LAMA2: variants seen among roughly 807,000 people sequenced by gnomAD.
LAMA2 encodes laminin subunit alpha 2, also known as laminin subunit alpha-2.
In LAMA2, 269 loss-of-function variants were observed where a neutral mutation model predicts 364.8. The ratio of observed to expected loss-of-function variants is 0.74; its 90% confidence interval spans 0.67 to 0.82. The LOEUF (loss-of-function observed/expected upper bound fraction) is 0.82, where lower values mean the gene tolerates loss of function less well. Among genes scored for constraint, LAMA2 ranks in the 40% least tolerant of loss-of-function variants. LAMA2 has a pLI of 0.00. For missense variants in LAMA2, 3,807 were observed against 3,873.2 expected (o/e 0.98, Z 0.45); for synonymous variants, 1,379 against 1,370.6 (o/e 1.01, Z -0.14).
chr6:129,326,394 G>A (rs1273375444), intron 28 of LAMA2, among the ~76,000 whole-genome samples: 1 of 152,104 alleles, frequency 6.6e-6, no homozygotes, highest in African/African-American at 2.4e-5. Flanking sequence ...TGTGTTGTGC[G>A]TTAGAGTAGA....
intron 12 of LAMA2, among the ~76,000 whole-genome samples, chr6:129,228,869 C>G (rs1784498247): frequency 6.6e-6 from 1 of 152,144 alleles, no homozygotes; most frequent in Non-Finnish European, 1.5e-5. Flanking sequence ...TTTAGACATC[C>G]AGGATAGACA....
intron 1 of LAMA2, among the ~76,000 whole-genome samples, chr6:128,896,211 C>T (rs1776761452): frequency 2.0e-5 from 3 of 151,774 alleles, no homozygotes; most frequent in Admixed American, 2.0e-4. Context: ...TATGTGTATC[C>T]AGCCCAATAT....
chr6:129,407,042 G>C (rs577375772), intron 40 of LAMA2, among the ~76,000 whole-genome samples: 2 of 152,192 alleles, frequency 1.3e-5, no homozygotes, highest in South Asian at 2.1e-4. Context: ...AAAGATGAAG[G>C]CTGGAAGAGT....
chr6:129,488,940 A>G (rs1474566992), intron 56 of LAMA2, among the ~76,000 whole-genome samples: 3 of 152,228 alleles, frequency 2.0e-5, no homozygotes, highest in African/African-American at 7.2e-5. Context: ...CTGTAATAAC[A>G]TCCTTTCATC....
At position 129,138,212 on chromosome 6, in the gene LAMA2, A is replaced by T. The variant is rs1777915105; in HGVS notation, c.640-5689A>T. Among the ~76,000 whole-genome samples the T allele has an allele frequency of 2.0e-5, 3 of 152,084 alleles. No individual in the cohort carries two copies. The South Asian group carries it at 6.2e-4, about 32-fold the overall frequency. ...CTATATGAATGGGAAATATTGAAAT[A>T]TAAAGAGGAAGGCCAGAGATAAAGC... On this transcript the variant is annotated intron_variant, in intron 4 of 64. Coordinates refer to ENST00000421865, the MANE Select transcript of LAMA2 (RefSeq NM_000426.4).
intron 22 of LAMA2, among the ~76,000 whole-genome samples, chr6:129,309,992 C>A (rs528672844): frequency 6.7e-5 from 10 of 149,294 alleles, no homozygotes; most frequent in African/African-American, 2.5e-4. Flanking sequence ...CTCCGCCTCC[C>A]GGGTTCACGC....
At chr6:129,123,204 G>A (rs940846486) in intron 4 of LAMA2, among the ~76,000 whole-genome samples, 1 of 151,810 alleles carries the variant, frequency 6.6e-6, no homozygotes, top group South Asian at 2.1e-4. Flanking sequence ...TACTTGGGAG[G>A]CTGAGGCAGA....
intron 12 of LAMA2, among the ~76,000 whole-genome samples, chr6:129,232,604 C>G (rs975970088): frequency 1.6e-4 from 25 of 151,984 alleles, no homozygotes; most frequent in African/African-American, 5.8e-4. Context: ...GCTAGTGAAT[C>G]CCTCAGGTAT....
At chr6:129,007,714 A>G (rs964491311) in intron 1 of LAMA2, among the ~76,000 whole-genome samples, 1 of 152,230 alleles carries the variant, frequency 6.6e-6, no homozygotes, top group Non-Finnish European at 1.5e-5. Context: ...AGGAATAGTC[A>G]GAAATATCAA....
intron 35 of LAMA2, among the ~76,000 whole-genome samples, chr6:129,386,044 T>G (rs1318355811): frequency 6.6e-6 from 1 of 152,130 alleles, no homozygotes; most frequent in Non-Finnish European, 1.5e-5. Context: ...TGGTTTTCTG[T>G]CTACTAATTC....
intron 22 of LAMA2, among the ~76,000 whole-genome samples, chr6:129,306,881 C>T (rs1356569471): frequency 6.6e-6 from 1 of 151,936 alleles, no homozygotes; most frequent in East Asian, 1.9e-4. Flanking sequence ...TGTTTATAAA[C>T]ATTAGCATTT....
At chr6:129,288,646 T>C (rs1789460619) in intron 19 of LAMA2, among the ~76,000 whole-genome samples, 1 of 152,178 alleles carries the variant, frequency 6.6e-6, no homozygotes, top group South Asian at 2.1e-4. Flanking sequence ...GTGTTTTCCT[T>C]CCACAAAATT....
intron 28 of LAMA2, among the ~76,000 whole-genome samples, chr6:129,322,649 A>G (rs1014548953): frequency 6.6e-6 from 1 of 152,188 alleles, no homozygotes; most frequent in Non-Finnish European, 1.5e-5. Flanking sequence ...TAAGTAGTCA[A>G]GGTTGACCTT....
chr6:129,478,452 T>TGAGA (rs1347862686), intron 53 of LAMA2, among the ~76,000 whole-genome samples: 4 of 152,114 alleles, frequency 2.6e-5, no homozygotes, highest in Non-Finnish European at 5.9e-5. Flanking sequence ...ATGCTGTGGG[T>TGAGA]GAGATTATTG....
chr6:129,306,666 G>T (rs1773898965), intron 22 of LAMA2, among the ~76,000 whole-genome samples: 1 of 151,382 alleles, frequency 6.6e-6, no homozygotes, highest in African/African-American at 2.4e-5. Context: ...TTTTGTATCT[G>T]TATTTTTTAT....
chr6:128,952,438 G>T (rs1370923847), intron 1 of LAMA2, among the ~76,000 whole-genome samples: 1 of 151,960 alleles, frequency 6.6e-6, no homozygotes, highest in Non-Finnish European at 1.5e-5. Context: ...AGATGCTGGA[G>T]ATCTAAATTT....
intron 10 of LAMA2, among the ~76,000 whole-genome samples, chr6:129,184,071 C>T (rs1448763283): frequency 6.6e-6 from 1 of 151,918 alleles, no homozygotes; most frequent in Non-Finnish European, 1.5e-5. Context: ...ACCATAAATA[C>T]CTACTGGATT....
At position 129,190,201 on chromosome 6, in the gene LAMA2, G is replaced by T; in HGVS notation, c.1468-4G>T. Reference sequence around the variant, plus strand: ...CTGTTGCTGATACATCTCTTTATTTGCAGGAAAATGTTGAAGGAGGAGACT... The same window carrying T: ...CTGTTGCTGATACATCTCTTTATTTTCAGGAAAATGTTGAAGGAGGAGACT... On this transcript the variant is annotated splice_region_variant and splice_polypyrimidine_tract_variant and intron_variant, in intron 10 of 64. Coordinates refer to ENST00000421865, the MANE Select transcript of LAMA2 (RefSeq NM_000426.4). 2.5e-6 allele frequency: 4 copies of T among 1,613,074 alleles called. No individual in the cohort carries two copies. Among genetic ancestry groups the T allele is most frequent in the Non-Finnish European group, 3.4e-6 (4 of 1,179,194 alleles).
Position 129,445,701 on chromosome 6 carries a change from A to G in LAMA2, c.6309A>G (p.Glu2103=), listed in dbSNP as rs762782062. 1 of 1,614,036 alleles carries G rather than the reference A, an allele frequency of 6.2e-7. No individual in the cohort carries two copies. The highest frequency in any genetic ancestry group is 1.1e-5 in the South Asian group (1 of 91,082). The change falls in exon 45 of 65, where the codon GAA becomes GAG. Residue 2103 remains glutamate (E), a synonymous_variant. Transcript: ENST00000421865. Reference sequence around the variant, plus strand: ...CAGATGCCACTGTCAAAAATTTAGAACAGGAAGCTGACCGGCTAATAGATA... The same window carrying G: ...CAGATGCCACTGTCAAAAATTTAGAGCAGGAAGCTGACCGGCTAATAGATA... ...ADADATVKNL[E]QEADRLIDKL...
Sources: gnomAD v4.1 joint callset for allele counts (sites outside exome capture counted in the v4.1 genomes callset) on GRCh38, gnomAD v4.1.1 for gene constraint, MANE v1.5 for transcripts, NCBI Gene and HGNC (gene_info 2026-07-23, HGNC 2026-07-21) for gene names.